Variants in MECOM observed in about 807,000 individuals in gnomAD.
The protein encoded by MECOM is histone-lysine N-methyltransferase MECOM.
Under a neutral mutation model 116.3 loss-of-function variants are expected in MECOM, and 13 were observed. That is an observed-to-expected ratio of 0.11 (90% CI 0.07 to 0.18). The LOEUF (loss-of-function observed/expected upper bound fraction) is 0.18, where lower values mean the gene tolerates loss of function less well. Ranked by LOEUF, MECOM falls within the 10% of genes least tolerant of loss-of-function variation. The pLI, the probability that MECOM is intolerant of heterozygous loss-of-function variation, is 1.00. For missense variants in MECOM, 1,299 were observed against 1,509.0 expected, an observed-to-expected ratio of 0.86 and a Z score of 2.31; for synonymous variants, 528 against 535.2, an observed-to-expected ratio of 0.99 and a Z score of 0.19.
At chr3:169,160,761 AT>A (rs1742727533) in intron 2 of MECOM, among the ~76,000 whole-genome samples, 1 of 152,068 alleles carries the variant, frequency 6.6e-6, no homozygotes, top group Non-Finnish European at 1.5e-5. Flanking sequence ...ATTATGCATT[AT>A]ATGCCTGGAT....
chr3:169,122,840 C>T, intron 5 of MECOM, 113 bp from the exon 6 acceptor site: 1 of 1,233,992 alleles, frequency 8.1e-7, no homozygotes, highest in Non-Finnish European at 1.1e-6. Context: ...AGGAGTTGAA[C>T]TGAGAAGGAG....
chr3:169,549,974 C>T (rs1421011), intron 1 of MECOM, among the ~76,000 whole-genome samples: 33,125 of 151,994 alleles, frequency 0.22, 4,643 homozygotes, highest in East Asian at 0.7. Flanking sequence ...CATTCTGGCG[C>T]AACCTCTATC....
chr3:169,381,093 A>G (rs1732314507), intron 2 of MECOM, 94 bp downstream of exon 2: 6 of 1,103,732 alleles, frequency 5.4e-6, no homozygotes, highest in African/African-American at 4.7e-5. Flanking sequence ...ACATATTGTA[A>G]CAAATATAAT....
intron 1 of MECOM, among the ~76,000 whole-genome samples, chr3:169,392,174 C>T (rs774224187): frequency 2.0e-5 from 3 of 152,154 alleles, no homozygotes; most frequent in Non-Finnish European, 4.4e-5. Context: ...TTAAGCTACC[C>T]ATTATATCAC....
intron 1 of MECOM, among the ~76,000 whole-genome samples, chr3:169,552,248 T>C (rs1761495131): frequency 6.6e-6 from 1 of 151,058 alleles, no homozygotes; most frequent in Non-Finnish European, 1.5e-5. Flanking sequence ...TAGTCAGGAT[T>C]TATGTTTAGT....
intron 2 of MECOM, among the ~76,000 whole-genome samples, chr3:169,237,446 C>CT (rs1754202797): frequency 6.6e-6 from 1 of 151,992 alleles, no homozygotes; most frequent in African/African-American, 2.4e-5. Context: ...AGCTAACTGA[C>CT]CACCCTTAGT....
chr3:169,517,460 C>T (rs1756774990), intron 1 of MECOM, among the ~76,000 whole-genome samples: 1 of 152,106 alleles, frequency 6.6e-6, no homozygotes, highest in South Asian at 2.1e-4. Context: ...ACGTTTTAGA[C>T]TATAAGGGGA....
chr3:169,240,812 T>C (rs1402070045), intron 2 of MECOM, among the ~76,000 whole-genome samples: 1 of 152,186 alleles, frequency 6.6e-6, no homozygotes. Flanking sequence ...ATTAGACAGA[T>C]TTAAGGGGAA....
intron 2 of MECOM, among the ~76,000 whole-genome samples, chr3:169,151,632 T>C (rs767200698): frequency 4.6e-5 from 7 of 152,252 alleles, no homozygotes; most frequent in Non-Finnish European, 8.8e-5. Context: ...ATCTGAGAAA[T>C]TGACATTTGG....
intron 2 of MECOM, among the ~76,000 whole-genome samples, chr3:169,234,700 T>C (rs1298511151): frequency 6.6e-6 from 1 of 152,198 alleles, no homozygotes; most frequent in Non-Finnish European, 1.5e-5. Flanking sequence ...TGTCATTGGC[T>C]GTTATTCCTG....
intron 1 of MECOM, among the ~76,000 whole-genome samples, chr3:169,518,861 G>T (rs1231558427): frequency 1.3e-5 from 2 of 151,998 alleles, no homozygotes; most frequent in South Asian, 2.1e-4. Flanking sequence ...CCCTGCACAA[G>T]CTCTCTCTCT....
chr3:169,408,400 A>T (rs1429203095), intron 1 of MECOM, among the ~76,000 whole-genome samples: 1 of 152,194 alleles, frequency 6.6e-6, no homozygotes, highest in Admixed American at 6.5e-5. Context: ...CTAAATAGCA[A>T]CCCAGTCCCA....
chr3:169,103,985 T>G (rs1724470264), intron 10 of MECOM, among the ~76,000 whole-genome samples: 1 of 152,184 alleles, frequency 6.6e-6, no homozygotes, highest in South Asian at 2.1e-4. Context: ...GCCAAATGTC[T>G]TTCATCAAAC....
chr3:169,520,787 G>C (rs993333163), intron 1 of MECOM, among the ~76,000 whole-genome samples: 1 of 151,982 alleles, frequency 6.6e-6, no homozygotes, highest in South Asian at 2.1e-4. Context: ...AAAAAAAAAT[G>C]GCTATGTGGA....
At chr3:169,472,647 G>GAAAA (rs1749697525) in intron 1 of MECOM, among the ~76,000 whole-genome samples, 1 of 50,102 alleles carries the variant, frequency 2.0e-5, no homozygotes, top group Non-Finnish European at 3.7e-5. Flanking sequence ...GGAAAGGAAA[G>GAAAA]GAAAAGAAAA....
In MECOM at chr3:169,361,206, C is replaced by T. The variant is rs148778052; in HGVS notation, c.375+19981G>A. ...TACAAGAACATAAATTAATTAGACA[C>T]GAAGCCAAAACCCCTAGTCCTCCTC... is the stretch of plus-strand genomic sequence containing the variant. On this transcript the variant is annotated intron_variant, in intron 2 of 16. Coordinates refer to ENST00000651503, the MANE Select transcript of MECOM (RefSeq NM_004991.4). Among the ~76,000 whole-genome samples the T allele has an allele frequency of 1.9e-3, 284 of 151,960 alleles. 2 individuals are homozygous for T. The highest frequency in any genetic ancestry group is 6.5e-3 in the African/African-American group (269 of 41,510).
chr3:169,210,029 A>G (rs894633445), intron 2 of MECOM, among the ~76,000 whole-genome samples: 2 of 152,208 alleles, frequency 1.3e-5, no homozygotes, highest in Admixed American at 6.5e-5. Context: ...AGCCATAAAA[A>G]GGAATGCGAT....
At chr3:169,363,569 C>A (rs925574434) in intron 2 of MECOM, among the ~76,000 whole-genome samples, 1 of 151,868 alleles carries the variant, frequency 6.6e-6, no homozygotes, top group African/African-American at 2.4e-5. Flanking sequence ...GCTTCCTGAA[C>A]TTTATTGCCT....
Position 169,446,352 on chromosome 3 carries a change from G to A in MECOM, c.38-64828C>T, listed in dbSNP as rs1744627022. Among the ~76,000 whole-genome samples, 2 of 152,046 alleles carry A rather than the reference G, an allele frequency of 1.3e-5. 1 individual carries two copies. Among genetic ancestry groups the A allele is most frequent in the South Asian group, 4.2e-4 (2 of 4,818 alleles). On this transcript the variant is annotated intron_variant, in intron 1 of 16. Transcript: ENST00000651503. Reference sequence around the variant, plus strand: ...TGACTATGTCTCACGAGATCTGATGGGTTTATCAGGAGTTTCCGCTTTTGC... The same window carrying A: ...TGACTATGTCTCACGAGATCTGATGAGTTTATCAGGAGTTTCCGCTTTTGC...
Sources: gnomAD v4.1 joint callset for allele counts (sites outside exome capture counted in the v4.1 genomes callset) on GRCh38, gnomAD v4.1.1 for gene constraint, MANE v1.5 for transcripts, NCBI Gene and HGNC (gene_info 2026-07-23, HGNC 2026-07-21) for gene names.